SOCS6: variants seen among roughly 807,000 people sequenced by gnomAD.
The protein encoded by SOCS6 is suppressor of cytokine signaling 6, also known as STAT induced STAT inhibitor-4.
In SOCS6, 5 loss-of-function variants were observed where a neutral mutation model predicts 27.7. The ratio of observed to expected loss-of-function variants is 0.18; its 90% CI spans 0.09 to 0.38. The LOEUF is 0.38. Ranked by LOEUF, SOCS6 falls within the 10% of genes least tolerant of loss-of-function variation. The pLI is 1.00. For synonymous variants in SOCS6, 271 were observed against 260.0 expected (o/e 1.04, Z -0.41); for missense variants, 595 against 688.1 (o/e 0.86, Z 1.51).
At chr18:70,293,423 G>A (rs2062308937) in intron 1 of SOCS6, among the ~76,000 whole-genome samples, 1 of 152,252 alleles carries the variant, frequency 6.6e-6, no homozygotes, top group East Asian at 1.9e-4. Flanking sequence ...GACTGGCAGT[G>A]TAGACGCCCA....
intron 1 of SOCS6, among the ~76,000 whole-genome samples, chr18:70,300,721 T>C (rs1464730765): frequency 6.6e-6 from 1 of 152,196 alleles, no homozygotes; most frequent in African/African-American, 2.4e-5. Context: ...TTTAAGCTAG[T>C]GCTACCCCAT....
At chr18:70,311,154 C>T (rs1165755638) in intron 1 of SOCS6, among the ~76,000 whole-genome samples, 1 of 152,148 alleles carries the variant, frequency 6.6e-6, no homozygotes, top group African/African-American at 2.4e-5. Context: ...TCTCTTAGAG[C>T]ACTTCTCACA....
In SOCS6 at chr18:70,289,080, G is replaced by C. The variant is rs1309794841; in HGVS notation, c.-137G>C. The stretch of plus-strand genomic sequence containing the variant: ...GCGCTGGGCGAGGAAGCGGAGCCGG[G>C]CCGCCTCCGGGTAAGCGTCCGGGGA... On this transcript the variant is annotated 5_prime_UTR_variant, in exon 1 of 2. Transcript: ENST00000397942. 8 of 149,732 alleles carry C rather than the reference G, an allele frequency of 5.3e-5. No homozygotes were observed. Among genetic ancestry groups the C allele is most frequent in the Non-Finnish European group, 8.9e-5 (6 of 67,190 alleles). The allele number at this position is 149,732 out of a possible 1,614,324, so 9.3% of individuals were successfully genotyped here.
chr18:70,325,595 A>G lies in SOCS6; in HGVS notation c.927A>G (p.Pro309=), dbSNP rs1489167192. Residue 309 remains proline, a synonymous_variant, in exon 2 of 2, where the codon CCA becomes CCG. Transcript: ENST00000397942. The surrounding 1 kb of genome is among the most constrained non-coding windows in gnomAD (Gnocchi z 6.3). ...GAGCGGGTCACGATGATGTCCCTCC[A>G]CTCTCACCATTGCTACCTCCAATGC... ...SPRAGHDDVP[P]LSPLLPPMQN... is the part of the protein sequence containing the mutation. 4 of 1,613,992 alleles carry G rather than the reference A, an allele frequency of 2.5e-6. No homozygotes were observed. Among genetic ancestry groups the G allele is most frequent in the Non-Finnish European group, 2.5e-6 (3 of 1,179,980 alleles).
intron 1 of SOCS6, among the ~76,000 whole-genome samples, chr18:70,318,314 T>C (rs1288927932): frequency 2.0e-5 from 3 of 152,208 alleles, no homozygotes; most frequent in Non-Finnish European, 4.4e-5. Context: ...AATATTCTTA[T>C]TTGTTCATAT....
rs748703534 is a variant in SOCS6, at chr18:70,324,726, G to A, written c.58G>A (p.Glu20Lys). The change falls in exon 2 of 2, where the codon GAA becomes AAA. Residue 20 changes from glutamate (E) to lysine (K), a missense_variant. Around this residue, in one of 2 missense-constraint regions of SOCS6, gnomAD observed 467 missense variants for 481.1 expected, o/e 0.97. Coordinates refer to ENST00000397942, the MANE Select transcript of SOCS6 (RefSeq NM_004232.4). ...ATCTTTTAACTTGAATAAAAGTAAA[G>A]AAGAAACTGATTTCATGGTAGTACA... ...RKSFNLNKSK[E>K]ETDFMVVQQP... The A allele has an allele frequency of 6.2e-7, 1 of 1,609,988 alleles. No individual in the cohort carries two copies. Among genetic ancestry groups the A allele is most frequent in the African/African-American group, 1.3e-5 (1 of 74,836 alleles).
intron 1 of SOCS6, among the ~76,000 whole-genome samples, chr18:70,321,312 GTTTT>G (rs763120236): frequency 0.017 from 1,158 of 68,684 alleles, 55 homozygotes; most frequent in African/African-American, 0.058. Context: ...AATTTTCTCA[GTTTT>G]TTTTTTTTTT....
At position 70,324,645 on chromosome 18, in the gene SOCS6, C is replaced by A; in HGVS notation, c.-24C>A. 1 of 1,456,720 alleles carries A rather than the reference C, an allele frequency of 6.9e-7. No individual in the cohort carries two copies. The highest frequency in any genetic ancestry group is 9.4e-7 in the Non-Finnish European group (1 of 1,064,850). 90.2% of individuals were successfully genotyped at this position (1,456,720 alleles called of 1,614,324 possible). On this transcript the variant is annotated 5_prime_UTR_variant, in exon 2 of 2. Coordinates refer to ENST00000397942, the MANE Select transcript of SOCS6 (RefSeq NM_004232.4). ...AATATTCCAGATAGAAATATTGATC[C>A]CTTGGATTAGGTAACTAGTCATAAT... is the stretch of plus-strand genomic sequence containing the variant.
intron 1 of SOCS6, among the ~76,000 whole-genome samples, chr18:70,299,110 G>A (rs1026134402): frequency 6.6e-6 from 1 of 152,004 alleles, no homozygotes; most frequent in Non-Finnish European, 1.5e-5. Flanking sequence ...CAACAAGAGC[G>A]ACCCTCCGTC....
chr18:70,324,988 C>T lies in SOCS6; in HGVS notation c.320C>T (p.Ser107Phe), dbSNP rs1371214583. 1 of 1,613,730 alleles carries T rather than the reference C, an allele frequency of 6.2e-7. No homozygotes were observed. Among genetic ancestry groups the T allele is most frequent in the South Asian group, 1.1e-5 (1 of 90,990 alleles). Residue 107 changes from serine to phenylalanine, a missense_variant, in exon 2 of 2, where the codon TCC (serine) becomes TTC (phenylalanine). Physicochemically the swap from Ser to Phe is radical, Grantham distance 155 (BLOSUM62 -2). Transcript: ENST00000397942. ...SSADEDTFSS[S>F]SAPIVFKDVR... ...GCCGACGAGGACACCTTCTCCTCCT[C>T]CTCAGCACCCATAGTCTTTAAAGAC...
chr18:70,301,734 A>C (rs1023945384), intron 1 of SOCS6, among the ~76,000 whole-genome samples: 1 of 152,200 alleles, frequency 6.6e-6, no homozygotes. Context: ...AGGGGACCAA[A>C]GTCTTGAGTG....
chr18:70,304,483 T>A (rs1341511461), intron 1 of SOCS6, among the ~76,000 whole-genome samples: 1 of 152,370 alleles, frequency 6.6e-6, no homozygotes, highest in East Asian at 1.9e-4. Context: ...GATATTGTCA[T>A]GATAGTGGTT....
intron 1 of SOCS6, among the ~76,000 whole-genome samples, chr18:70,320,251 A>C (rs1910929003): frequency 1.3e-5 from 2 of 152,172 alleles, no homozygotes; most frequent in South Asian, 4.1e-4. Flanking sequence ...AGCTTCCCAG[A>C]GTGCTGGGAT....
rs1485795073 is a variant in SOCS6 at position 70,328,103 on chromosome 18, AATAAT to A, written c.*1832_*1836del. On this transcript the variant is annotated 3_prime_UTR_variant, in exon 2 of 2. Transcript: ENST00000397942. The stretch of plus-strand genomic sequence containing the variant: ...TAAGATGGAATATGGAGTATACTGT[AATAAT>A]ATAAGTGTTCATTATAAGCTATTTG... 6.0e-6 allele frequency: 1 copy of A among 166,766 alleles called. No individual in the cohort carries two copies. Among genetic ancestry groups the A allele is most frequent in the Non-Finnish European group, 1.5e-5 (1 of 68,122 alleles). The allele number at this position is 166,766 out of a possible 1,614,324, so 10.3% of individuals were successfully genotyped here.
intron 1 of SOCS6, among the ~76,000 whole-genome samples, chr18:70,311,599 TA>T (rs760699994): frequency 6.6e-6 from 1 of 152,116 alleles, no homozygotes; most frequent in Non-Finnish European, 1.5e-5. Context: ...ATACAGAAAA[TA>T]AAAGTCAACT....
At chr18:70,313,229 GTGCTT>G (rs1232966209) in intron 1 of SOCS6, among the ~76,000 whole-genome samples, 3 of 151,822 alleles carry the variant, frequency 2.0e-5, no homozygotes, top group African/African-American at 7.3e-5. Flanking sequence ...GTTTGTTTCT[GTGCTT>G]TGCCCGTTTG....
chr18:70,308,099 G>T (rs1183026066), intron 1 of SOCS6, among the ~76,000 whole-genome samples: 1 of 152,062 alleles, frequency 6.6e-6, no homozygotes, highest in African/African-American at 2.4e-5. Context: ...GAAGTGTTTT[G>T]TTTCATTTAG....
chr18:70,303,551 T>C (rs1320693711), intron 1 of SOCS6, among the ~76,000 whole-genome samples: 3 of 152,206 alleles, frequency 2.0e-5, no homozygotes, highest in Non-Finnish European at 4.4e-5. Flanking sequence ...CCCAGCACTT[T>C]GGGAGGCTGA....
At chr18:70,323,984 A>G (rs1428523232) in intron 1 of SOCS6, among the ~76,000 whole-genome samples, 1 of 152,152 alleles carries the variant, frequency 6.6e-6, no homozygotes, top group Non-Finnish European at 1.5e-5. Flanking sequence ...CAAAAGAACA[A>G]AAGGTAGATG....
Sources: gnomAD v4.1 joint callset for allele counts (sites outside exome capture counted in the v4.1 genomes callset) on GRCh38, gnomAD v4.1.1 for gene constraint, gnomAD v4.1.1 regional missense constraint, Gnocchi (gnomAD v3.1) non-coding constraint, MANE v1.5 for transcripts, NCBI Gene and HGNC (gene_info 2026-07-23, HGNC 2026-07-21) for gene names.